ACYP2: variants seen among roughly 807,000 people sequenced by gnomAD.
ACYP2 encodes the protein acylphosphatase-2.
ACYP2 carries 12 observed loss-of-function variants against 11.2 expected under a neutral mutation model. That is an observed-to-expected ratio of 1.08 (90% CI 0.69 to 1.74). The LOEUF is 1.74. Among genes scored for constraint, ACYP2 ranks in the 40% most tolerant of loss-of-function variants. The probability of loss-of-function intolerance (pLI) is 0.00; values close to 1 mark genes in which losing one functional copy is unlikely to be tolerated. For missense variants in ACYP2, 134 were observed against 101.9 expected (o/e 1.31, Z -1.35); for synonymous variants, 43 against 32.2 (o/e 1.33, Z -1.13).
intron 6 of ACYP2, among the ~76,000 whole-genome samples, chr2:54,175,291 C>A (rs1683409810): frequency 1.3e-5 from 2 of 152,090 alleles, no homozygotes; most frequent in African/African-American, 4.8e-5. Context: ...TTATCCATTT[C>A]TTCTATATTT....
intron 6 of ACYP2, among the ~76,000 whole-genome samples, chr2:54,225,206 T>G (rs1685962461): frequency 6.6e-6 from 1 of 152,170 alleles, no homozygotes; most frequent in South Asian, 2.1e-4. Context: ...TCTATCTGGC[T>G]GTGGACAACA....
At chr2:54,295,158 A>G (rs1689475402) in intron 6 of ACYP2, among the ~76,000 whole-genome samples, 1 of 152,144 alleles carries the variant, frequency 6.6e-6, no homozygotes, top group Non-Finnish European at 1.5e-5. Flanking sequence ...GCCAGTTACC[A>G]TGTATATTTA....
intron 6 of ACYP2, chr2:54,255,751 G>A (rs542405286): frequency 1.2e-6 from 2 of 1,613,772 alleles, no homozygotes; most frequent in South Asian, 2.2e-5. Flanking sequence ...CGACCTCCCT[G>A]CCCCACAGGT....
intron 2 of ACYP2, among the ~76,000 whole-genome samples, chr2:53,984,668 A>G (rs936807748): frequency 6.0e-5 from 9 of 150,920 alleles, no homozygotes; most frequent in Non-Finnish European, 1.2e-4. Context: ...TGTAGTATGT[A>G]TATAAAATAC....
chr2:54,141,724 T>A (rs903779542), intron 6 of ACYP2, among the ~76,000 whole-genome samples: 3 of 152,224 alleles, frequency 2.0e-5, no homozygotes, highest in African/African-American at 7.2e-5. Context: ...TGGGCATTTG[T>A]TTCCTCTCTT....
chr2:54,053,257 C>T (rs1675957876), intron 3 of ACYP2, among the ~76,000 whole-genome samples: 4 of 151,998 alleles, frequency 2.6e-5, no homozygotes, highest in African/African-American at 2.4e-5. Context: ...TGCTGCTCTG[C>T]ATAGGCATGC....
At chr2:54,061,036 A>G (rs1239676746) in intron 4 of ACYP2, among the ~76,000 whole-genome samples, 1 of 152,004 alleles carries the variant, frequency 6.6e-6, no homozygotes, top group Non-Finnish European at 1.5e-5. Context: ...TTATTTTTTC[A>G]TAGAGGCATG....
intron 2 of ACYP2, among the ~76,000 whole-genome samples, chr2:53,981,168 G>T (rs1335880321): frequency 6.6e-6 from 1 of 152,194 alleles, no homozygotes; most frequent in Non-Finnish European, 1.5e-5. Flanking sequence ...CGGACATGCT[G>T]TACAGATTTG....
chr2:54,005,088 TAAA>T (rs1025608238), intron 2 of ACYP2, among the ~76,000 whole-genome samples: 2 of 152,024 alleles, frequency 1.3e-5, no homozygotes, highest in African/African-American at 4.8e-5. Flanking sequence ...AAAATAAAAA[TAAA>T]AAGCCTTAAA....
intron 4 of ACYP2, among the ~76,000 whole-genome samples, chr2:54,067,126 T>G (rs753240315): frequency 6.6e-6 from 1 of 152,194 alleles, no homozygotes; most frequent in Non-Finnish European, 1.5e-5. Flanking sequence ...TGTAAAGCAT[T>G]ATACAAATGC....
intron 6 of ACYP2, among the ~76,000 whole-genome samples, chr2:54,185,524 A>G (rs1683943982): frequency 6.6e-6 from 1 of 151,870 alleles, no homozygotes; most frequent in South Asian, 2.1e-4. Context: ...TTTACCGCCT[A>G]AAGCATAGGG....
At chr2:54,261,738 C>T (rs1687789143) in intron 6 of ACYP2, among the ~76,000 whole-genome samples, 1 of 152,182 alleles carries the variant, frequency 6.6e-6, no homozygotes, top group Admixed American at 6.5e-5. Flanking sequence ...AACTAGGCCA[C>T]CCAGTTTAGA....
At chr2:54,219,074 T>C (rs985135319) in intron 6 of ACYP2, among the ~76,000 whole-genome samples, 8 of 152,146 alleles carry the variant, frequency 5.3e-5, no homozygotes, top group Non-Finnish European at 1.2e-4. Context: ...TACAAGGGCA[T>C]GATATGATAC....
At chr2:54,006,566 A>G (rs1395974294) in intron 2 of ACYP2, among the ~76,000 whole-genome samples, 1 of 152,156 alleles carries the variant, frequency 6.6e-6, no homozygotes, top group Non-Finnish European at 1.5e-5. Context: ...TGAGATTACA[A>G]GTGTGAGCCG....
intron 4 of ACYP2, among the ~76,000 whole-genome samples, chr2:54,133,333 A>C (rs1681030082): frequency 6.6e-6 from 1 of 152,174 alleles, no homozygotes; most frequent in Non-Finnish European, 1.5e-5. Flanking sequence ...CTGCAGCTGC[A>C]TGCTATTCCG....
intron 6 of ACYP2, among the ~76,000 whole-genome samples, chr2:54,246,581 G>A (rs1686962697): frequency 6.6e-6 from 1 of 152,052 alleles, no homozygotes; most frequent in Non-Finnish European, 1.5e-5. Context: ...CTATCGTGCT[G>A]CCTAAGTTTT....
At chr2:54,255,698 G>C in intron 6 of ACYP2, 2 of 1,613,846 alleles carry the variant, frequency 1.2e-6, no homozygotes, top group Non-Finnish European at 1.7e-6. Flanking sequence ...CACTCCTCAG[G>C]CTTCACGTCC....
chr2:54,009,663 G>A (rs1345566), intron 2 of ACYP2, among the ~76,000 whole-genome samples: 1 of 152,232 alleles, frequency 6.6e-6, no homozygotes, highest in South Asian at 2.1e-4. Context: ...AAGGCATGAA[G>A]TAATACAGGA....
chr2:54,125,674 TG>T (rs1429235614), intron 4 of ACYP2, among the ~76,000 whole-genome samples: 7 of 151,936 alleles, frequency 4.6e-5, no homozygotes, highest in African/African-American at 1.7e-4. Flanking sequence ...TGCTTGAACC[TG>T]GGAGGTGGAG....
Sources: gnomAD v4.1 joint callset for allele counts (sites outside exome capture counted in the v4.1 genomes callset) on GRCh38, gnomAD v4.1.1 for gene constraint, MANE v1.5 for transcripts, NCBI Gene and HGNC (gene_info 2026-07-23, HGNC 2026-07-21) for gene names.